Variants in LIMD1 observed in about 807,000 individuals in gnomAD.
LIMD1 encodes the protein LIM domain containing 1.
Under a neutral mutation model 58.4 loss-of-function variants are expected in LIMD1, and 23 were observed. That is an observed-to-expected ratio of 0.39 (90% CI 0.28 to 0.56). The LOEUF is 0.56. LIMD1 is among the 20% of genes least tolerant of loss of function. The pLI is 0.57. For missense variants in LIMD1, 838 were observed against 855.5 expected (o/e 0.98, Z 0.25); for synonymous variants, 334 against 345.5 (o/e 0.97, Z 0.37).
chr3:45,606,889 T>C (rs1377144847), intron 1 of LIMD1, among the ~76,000 whole-genome samples: 3 of 152,150 alleles, frequency 2.0e-5, no homozygotes, highest in East Asian at 1.9e-4. Flanking sequence ...TGCTTCCGAG[T>C]TTCAAGCAAT....
chr3:45,682,569 C>T lies in LIMD1; in HGVS notation c.*5510C>T, dbSNP rs1265278355. ...TAATAGCTGGCATTTCCCGTGTGCT[C>T]ATCACATAGCAGATGTTATTCCAAG... On this transcript the variant is annotated 3_prime_UTR_variant, in exon 8 of 8. Coordinates refer to ENST00000273317, the MANE Select transcript of LIMD1 (RefSeq NM_014240.3). 6.6e-6 allele frequency: 1 copy of T among 152,246 alleles called. No individual in the cohort carries two copies. The highest frequency in any genetic ancestry group is 1.5e-5 in the Non-Finnish European group (1 of 68,072). The allele number at this position is 152,246 out of a possible 1,614,324, so 9.4% of individuals were successfully genotyped here.
At chr3:45,655,732 C>T (rs1219824049) in intron 2 of LIMD1, among the ~76,000 whole-genome samples, 1 of 152,202 alleles carries the variant, frequency 6.6e-6, no homozygotes, top group Non-Finnish European at 1.5e-5. Context: ...TGGTGTTTAT[C>T]CCTCGGCTAT....
rs540863789 is a variant in LIMD1, at chr3:45,664,253, G to A, written c.1511-1397G>A. 1.8e-4 allele frequency among the ~76,000 whole-genome samples: 28 copies of A among 152,224 alleles called. 1 individual carries two copies. In the South Asian group the frequency reaches 3.5e-3, roughly 19 times the overall value. ...ACTCCTGACCTCAAGTGATCCTCCC[G>A]TGTCAGCCTCCCAAAATGCTGGGAC... On this transcript the variant is annotated intron_variant, in intron 2 of 7. Transcript: ENST00000273317.
chr3:45,595,898 G>A lies in LIMD1; in HGVS notation c.1019G>A (p.Gly340Glu), dbSNP rs774177872. The A allele has an allele frequency of 4.3e-6, 7 of 1,614,112 alleles. No individual in the cohort carries two copies. The East Asian group carries it at 1.1e-4, about 26-fold the overall frequency. Residue 340 changes from glycine to glutamate, a missense_variant, in exon 1 of 8, where the codon GGG becomes GAG. Transcript: ENST00000273317. ...GACCCCCAACCCTGGTTCCAGGATG[G>A]GCCCAAATCTTACCTTTCCAGTTCT... ...NVDPQPWFQD[G>E]PKSYLSSSAP...
At chr3:45,638,274 C>T (rs1057337011) in intron 2 of LIMD1, among the ~76,000 whole-genome samples, 1 of 152,092 alleles carries the variant, frequency 6.6e-6, no homozygotes, top group Admixed American at 6.5e-5. Flanking sequence ...TTAGGCCCCC[C>T]TTTATTTATT....
At chr3:45,630,979 G>A (rs916244833) in intron 1 of LIMD1, among the ~76,000 whole-genome samples, 1 of 152,098 alleles carries the variant, frequency 6.6e-6, no homozygotes, top group African/African-American at 2.4e-5. Flanking sequence ...CGAGGCGGGC[G>A]GATCACCTGA....
At chr3:45,598,108 ACTT>A (rs1457149760) in intron 1 of LIMD1, among the ~76,000 whole-genome samples, 2 of 152,040 alleles carry the variant, frequency 1.3e-5, no homozygotes, top group East Asian at 3.9e-4. Flanking sequence ...AGCTAGGACT[ACTT>A]AAGAGGAAGC....
chr3:45,603,150 T>C (rs955823534), intron 1 of LIMD1, among the ~76,000 whole-genome samples: 2 of 152,222 alleles, frequency 1.3e-5, no homozygotes, highest in Admixed American at 6.5e-5. Flanking sequence ...CCTTCATGAC[T>C]TTTTAATTAC....
At chr3:45,649,848 G>GTTTTTTTTT (rs367547670) in intron 2 of LIMD1, among the ~76,000 whole-genome samples, 1 of 97,316 alleles carries the variant, frequency 1.0e-5, no homozygotes, top group Admixed American at 1.2e-4. Flanking sequence ...AAGTTTTTTT[G>GTTTTTTTTT]TTTTTTTTTT....
chr3:45,637,766 C>T (rs1253686900), intron 2 of LIMD1, among the ~76,000 whole-genome samples: 1 of 152,214 alleles, frequency 6.6e-6, no homozygotes, highest in African/African-American at 2.4e-5. Flanking sequence ...TAACCAGTGG[C>T]CTCCTAACCT....
intron 1 of LIMD1, among the ~76,000 whole-genome samples, chr3:45,630,868 G>A (rs778794261): frequency 2.6e-5 from 4 of 152,138 alleles, no homozygotes; most frequent in Non-Finnish European, 4.4e-5. Flanking sequence ...CTGGAACTTG[G>A]GTTTTAGACA....
rs368224568 is a variant in LIMD1, at chr3:45,677,191, G to C, written c.*132G>C. 1.1e-5 allele frequency: 11 copies of C among 977,802 alleles called. No individual in the cohort carries two copies. The East Asian group carries it at 2.8e-4, about 24-fold the overall frequency. 60.6% of individuals were successfully genotyped at this position (977,802 alleles called of 1,614,324 possible). On this transcript the variant is annotated 3_prime_UTR_variant, in exon 8 of 8. Coordinates refer to ENST00000273317, the MANE Select transcript of LIMD1 (RefSeq NM_014240.3). The stretch of plus-strand genomic sequence containing the variant: ...GGAGGGAGAGTTCCTGTGAGCATGT[G>C]GGGGGTGCCTTTCCTTTAACCAGGG...
In LIMD1 at chr3:45,594,805, A is replaced by ACACACACACACACACAC. The variant is rs1701319558; in HGVS notation, c.-74_-58dup. 4.4e-5 allele frequency: 20 copies of ACACACACACACACACAC among 451,238 alleles called. 1 individual carries two copies. The highest frequency in any genetic ancestry group is 7.8e-5 in the Admixed American group (2 of 25,564). 28.0% of individuals were successfully genotyped at this position (451,238 alleles called of 1,614,324 possible). ...CACACACACACACACACACACACAC[A>ACACACACACACACACAC]CACACACACACACACACACACACAC... On this transcript the variant is annotated 5_prime_UTR_variant, in exon 1 of 8. Transcript: ENST00000273317.
chr3:45,674,686 G>T (rs1009743072), intron 7 of LIMD1: 1 of 352,632 alleles, frequency 2.8e-6, no homozygotes, highest in Non-Finnish European at 5.3e-6. Context: ...TAGGAGGGTC[G>T]TGGAGAGCAT....
intron 2 of LIMD1, among the ~76,000 whole-genome samples, chr3:45,649,475 A>C (rs1431957016): frequency 6.6e-6 from 1 of 151,584 alleles, no homozygotes; most frequent in Non-Finnish European, 1.5e-5. Flanking sequence ...AGGTCAGAAG[A>C]TCGAGACCAT....
chr3:45,633,896 A>C (rs1326753271), intron 1 of LIMD1, among the ~76,000 whole-genome samples: 1 of 152,094 alleles, frequency 6.6e-6, no homozygotes, highest in Non-Finnish European at 1.5e-5. Context: ...AGGGCTTTCT[A>C]CCCTGTGGGC....
rs1391127113 is a variant in LIMD1 at position 45,683,798 on chromosome 3, T to C, written c.*6739T>C. The stretch of plus-strand genomic sequence containing the variant: ...ACTTTCGTTTTTCAATAAATCTCTT[T>C]TGTTGCTTCATTCTTTACTTGCTTT... On this transcript the variant is annotated 3_prime_UTR_variant, in exon 8 of 8. Coordinates refer to ENST00000273317, the MANE Select transcript of LIMD1 (RefSeq NM_014240.3). 2 of 152,228 alleles carry C rather than the reference T, an allele frequency of 1.3e-5. No individual in the cohort carries two copies. The highest frequency in any genetic ancestry group is 6.5e-5 in the Admixed American group (1 of 15,284). The allele number at this position is 152,228 out of a possible 1,614,324, so 9.4% of individuals were successfully genotyped here.
chr3:45,636,171 A>G lies in LIMD1; in HGVS notation c.1430A>G (p.Lys477Arg). The G allele has an allele frequency of 2.5e-6, 4 of 1,612,808 alleles. No individual in the cohort carries two copies. The highest frequency in any genetic ancestry group is 1.1e-5 in the South Asian group (1 of 90,856). ...CAAGGAGCCTGTGTGAAATGCAGCA[A>G]AGGGGTGTTTGGGGCTGGCCAGGCC... The part of the protein sequence containing the change: ...DYFGACVKCS[K>R]GVFGAGQACQ... The change falls in exon 2 of 8, where the codon AAA becomes AGA. Residue 477 changes from lysine (K) to arginine (R), a missense_variant. Transcript: ENST00000273317.
intron 1 of LIMD1, among the ~76,000 whole-genome samples, chr3:45,599,461 G>A (rs78134338): frequency 0.016 from 2,427 of 152,212 alleles, 56 homozygotes; most frequent in African/African-American, 0.056. Context: ...TCACAGATAA[G>A]CAAGCACGCA....
Sources: allele counts gnomAD v4.1 joint callset (sites outside exome capture counted in the v4.1 genomes callset), GRCh38; gene constraint gnomAD v4.1.1; transcripts MANE v1.5; gene names NCBI Gene and HGNC (gene_info 2026-07-23, HGNC 2026-07-21).